The following EYS variants were observed in gnomAD, a reference collection of about 807,000 sequenced individuals.
EYS encodes protein eyes shut homolog.
A neutral mutation model predicts 282.1 loss-of-function variants in EYS; 250 were observed. The observed-to-expected ratio is 0.89, with a 90% CI of 0.80 to 0.98. The LOEUF is 0.98. EYS is among the 50% of genes least tolerant of loss of function. The pLI, the probability that EYS is intolerant of heterozygous loss-of-function variation, is 0.00. For missense variants in EYS, 4,016 were observed against 3,709.0 expected, an observed-to-expected ratio of 1.08 and a Z score of -2.15; for synonymous variants, 1,355 against 1,282.9, an observed-to-expected ratio of 1.06 and a Z score of -1.20.
At chr6:64,562,664 T>C (rs1447810992) in intron 26 of EYS, among the ~76,000 whole-genome samples, 1 of 151,930 alleles carries the variant, frequency 6.6e-6, no homozygotes, top group African/African-American at 2.4e-5. Flanking sequence ...AGATTTAAGA[T>C]TTTTCATCTG....
At chr6:65,277,307 C>T (rs748254968) in intron 12 of EYS, among the ~76,000 whole-genome samples, 1 of 151,990 alleles carries the variant, frequency 6.6e-6, no homozygotes, top group Non-Finnish European at 1.5e-5. Flanking sequence ...TTGGCACAAA[C>T]CTGTAGTCCC....
chr6:65,534,420 A>G (rs1049147353), intron 2 of EYS, among the ~76,000 whole-genome samples: 14 of 152,072 alleles, frequency 9.2e-5, no homozygotes, highest in African/African-American at 3.4e-4. Flanking sequence ...AAAGTAAGAG[A>G]ATGACCAAAA....
chr6:63,813,559 AC>A (rs1771101582), intron 36 of EYS, among the ~76,000 whole-genome samples: 1 of 152,128 alleles, frequency 6.6e-6, no homozygotes, highest in Non-Finnish European at 1.5e-5. Context: ...ATTACTTGAA[AC>A]TTTTAAGTGT....
At chr6:64,125,194 A>ATCTCTCTCTCTC (rs1562213634) in intron 31 of EYS, among the ~76,000 whole-genome samples, 2 of 146,004 alleles carry the variant, frequency 1.4e-5, no homozygotes, top group African/African-American at 5.4e-5. Flanking sequence ...CTCTCTCTCA[A>ATCTCTCTCTCTC]GGAGTAATGA....
intron 21 of EYS, among the ~76,000 whole-genome samples, chr6:64,819,822 G>A (rs181305986): frequency 6.6e-6 from 1 of 151,984 alleles, no homozygotes; most frequent in Non-Finnish European, 1.5e-5. Context: ...GAACCTAGTA[G>A]ATTTTATCTA....
intron 11 of EYS, chr6:65,330,437 T>C (rs1486298753): frequency 1.0e-6 from 1 of 984,284 alleles, no homozygotes; most frequent in Non-Finnish European, 1.2e-6. Flanking sequence ...TTAGCAAATC[T>C]TTCCTGGTCT....
intron 2 of EYS, among the ~76,000 whole-genome samples, chr6:65,506,053 T>G (rs1766641354): frequency 6.6e-6 from 1 of 152,296 alleles, no homozygotes; most frequent in East Asian, 1.9e-4. Flanking sequence ...TATTTTGGCA[T>G]AACGTTGCTA....
At chr6:65,520,607 G>T (rs1446148049) in intron 2 of EYS, among the ~76,000 whole-genome samples, 1 of 151,314 alleles carries the variant, frequency 6.6e-6, no homozygotes, top group Non-Finnish European at 1.5e-5. Context: ...GTCTATTCCT[G>T]ATATATACAT....
At chr6:64,445,710 T>C (rs1484756944) in intron 26 of EYS, among the ~76,000 whole-genome samples, 2 of 152,184 alleles carry the variant, frequency 1.3e-5, no homozygotes, top group African/African-American at 4.8e-5. Flanking sequence ...GATTCCAATG[T>C]GATGGCTAGT....
At chr6:65,635,969 C>A (rs1767073252) in intron 2 of EYS, among the ~76,000 whole-genome samples, 1 of 152,168 alleles carries the variant, frequency 6.6e-6, no homozygotes, top group African/African-American at 2.4e-5. Flanking sequence ...ACCTAAAAGC[C>A]TGAGATGAGA....
intron 31 of EYS, among the ~76,000 whole-genome samples, chr6:64,214,266 T>G (rs552931086): frequency 6.6e-6 from 1 of 152,136 alleles, no homozygotes; most frequent in Non-Finnish European, 1.5e-5. Context: ...ACATGCTAAT[T>G]TGAATATGAG....
At chr6:65,317,336 T>A (rs1167763009) in intron 11 of EYS, among the ~76,000 whole-genome samples, 3 of 152,228 alleles carry the variant, frequency 2.0e-5, no homozygotes, top group African/African-American at 7.2e-5. Context: ...CTCCAGAAAA[T>A]TATACATTTA....
intron 40 of EYS, among the ~76,000 whole-genome samples, chr6:63,774,653 T>A (rs538542623): frequency 6.6e-6 from 1 of 152,292 alleles, no homozygotes; most frequent in East Asian, 1.9e-4. Context: ...AATTAGCTCA[T>A]TTGAGCCATT....
intron 29 of EYS, among the ~76,000 whole-genome samples, chr6:64,364,768 G>A (rs1772132752): frequency 6.6e-6 from 1 of 151,728 alleles, no homozygotes; most frequent in Admixed American, 6.6e-5. Context: ...GGGTGGGAGT[G>A]GGGTGAGGGA....
rs4034161 is a variant in EYS at position 64,564,268 on chromosome 6, CTTTTTTTTTTTTT to C, written c.5644+25942_5644+25954del. ...TCCTCATCAACACGTATCTTTTGTCCTTTTTTTTTTTTTTTTTTTTTTTTTTTGAGACGGAGTT... is the reference window on the plus strand; with the variant it reads ...TCCTCATCAACACGTATCTTTTGTCCTTTTTTTTTTTTTTGAGACGGAGTT... On this transcript the variant is annotated intron_variant, in intron 26 of 42. Transcript: ENST00000503581. 2.7e-4 allele frequency among the ~76,000 whole-genome samples: 16 copies of C among 59,386 alleles called. 1 individual carries two copies. Among genetic ancestry groups the C allele is most frequent in the African/African-American group, 1.1e-3 (16 of 15,142 alleles). 39.0% of individuals were successfully genotyped at this position (59,386 alleles called of 152,430 possible). A position where few individuals can be genotyped will look rare whatever the true frequency, so the allele number is the denominator to read the frequency against.
intron 35 of EYS, among the ~76,000 whole-genome samples, chr6:63,914,062 A>C (rs1258448688): frequency 6.6e-6 from 1 of 152,152 alleles, no homozygotes; most frequent in Non-Finnish European, 1.5e-5. Context: ...CCTATATAAG[A>C]TGGTGAACTT....
At chr6:64,784,416 C>T (rs1773954670) in intron 22 of EYS, among the ~76,000 whole-genome samples, 1 of 151,892 alleles carries the variant, frequency 6.6e-6, no homozygotes, top group Non-Finnish European at 1.5e-5. Flanking sequence ...TTTATTTGGT[C>T]ACAAACACTA....
rs76643324 is a variant in EYS at position 64,797,426 on chromosome 6, G to A, written c.3443+15952C>T. 9.2e-5 allele frequency among the ~76,000 whole-genome samples: 14 copies of A among 152,072 alleles called. No homozygotes were observed. In the East Asian group the frequency reaches 1.5e-3, roughly 17 times the overall value. ...TAAATACATTTCCATGGACCCATAC[G>A]TTTGAAATTAAATGGGTGAATTTTC... On this transcript the variant is annotated intron_variant, in intron 22 of 42. Coordinates refer to ENST00000503581, the MANE Select transcript of EYS (RefSeq NM_001142800.2).
intron 31 of EYS, among the ~76,000 whole-genome samples, chr6:64,169,714 T>C (rs77836732): frequency 0.011 from 1,663 of 152,078 alleles, 27 homozygotes; most frequent in African/African-American, 0.037. Flanking sequence ...CTTGGCTCTT[T>C]ATTGTTCAAC....
Sources: allele counts gnomAD v4.1 joint callset (sites outside exome capture counted in the v4.1 genomes callset), GRCh38; gene constraint gnomAD v4.1.1; transcripts MANE v1.5; gene names NCBI Gene and HGNC (gene_info 2026-07-23, HGNC 2026-07-21).